The following NFATC3 variants were observed in gnomAD, a reference collection of about 807,000 sequenced individuals.
NFATC3 encodes the protein nuclear factor of activated T-cells, cytoplasmic 3.
NFATC3 carries 46 observed loss-of-function variants against 98.6 expected under a neutral mutation model. That is an observed-to-expected ratio of 0.47 (90% confidence interval 0.37 to 0.60). NFATC3 has a LOEUF of 0.60. NFATC3 is among the 20% of genes least tolerant of loss of function. The pLI, the probability that NFATC3 is intolerant of heterozygous loss-of-function variation, is 0.00. For missense variants in NFATC3, 1,256 were observed against 1,295.5 expected, an observed-to-expected ratio of 0.97 and a Z score of 0.47; for synonymous variants, 512 against 472.2, an observed-to-expected ratio of 1.08 and a Z score of -1.09.
intron 8 of NFATC3, chr16:68,189,518 TG>T (rs2040349395): frequency 6.4e-6 from 1 of 155,228 alleles, no homozygotes; most frequent in Non-Finnish European, 1.4e-5. Flanking sequence ...ACTGAGACTT[TG>T]ATAGGGATTA....
At chr16:68,212,971 T>C (rs80214882) in intron 9 of NFATC3, among the ~76,000 whole-genome samples, 1 of 146,796 alleles carries the variant, frequency 6.8e-6, no homozygotes, top group African/African-American at 2.5e-5. Context: ...TTTTTTTTTT[T>C]TGTATTTTTA....
chr16:68,119,191 C>G (rs1193164164), intron 1 of NFATC3, among the ~76,000 whole-genome samples: 1 of 152,104 alleles, frequency 6.6e-6, no homozygotes, highest in East Asian at 1.9e-4. Flanking sequence ...AATAATAGTT[C>G]AAGGCTTTAA....
At chr16:68,102,017 G>C (rs1433782463) in intron 1 of NFATC3, among the ~76,000 whole-genome samples, 1 of 152,036 alleles carries the variant, frequency 6.6e-6, no homozygotes, top group Non-Finnish European at 1.5e-5. Context: ...CATTTTGGTG[G>C]AGTACTTCCT....
intron 9 of NFATC3, chr16:68,214,409 G>A (rs745414706): frequency 1.2e-6 from 2 of 1,614,084 alleles, no homozygotes; most frequent in South Asian, 2.2e-5. Flanking sequence ...CTCATGTCCA[G>A]CTCCTTTCTG....
intron 9 of NFATC3, among the ~76,000 whole-genome samples, chr16:68,223,855 G>A (rs1003905542): frequency 7.6e-5 from 11 of 144,732 alleles, no homozygotes; most frequent in African/African-American, 1.6e-4. Context: ...AGATTGTGCC[G>A]CTGCACTCTA....
At chr16:68,187,164 G>A (rs919117438) in intron 8 of NFATC3, among the ~76,000 whole-genome samples, 1 of 152,210 alleles carries the variant, frequency 6.6e-6, no homozygotes, top group African/African-American at 2.4e-5. Flanking sequence ...CATGGGTGGT[G>A]GCGCCCTGTG....
rs1464610714 is a variant in NFATC3 at position 68,094,253 on chromosome 16, A to G, written c.103+8469A>G. Among the ~76,000 whole-genome samples, 3 of 152,124 alleles carry G rather than the reference A, an allele frequency of 2.0e-5. No individual in the cohort carries two copies. In the East Asian group the frequency reaches 5.8e-4, roughly 29 times the overall value. Reference sequence around the variant, plus strand: ...CCTCTCCGCCCATGTTGTCTTGATTAGGGTCTGATTTGTCATCTTGCAGGC... The same window carrying G: ...CCTCTCCGCCCATGTTGTCTTGATTGGGGTCTGATTTGTCATCTTGCAGGC... On this transcript the variant is annotated intron_variant, in intron 1 of 9. Coordinates refer to ENST00000346183, the MANE Select transcript of NFATC3 (RefSeq NM_173165.3).
At position 68,122,432 on chromosome 16, in the gene NFATC3, A is replaced by G. The variant is rs1429400350; in HGVS notation, c.549A>G (p.Glu183=). The change falls in exon 2 of 10, where the codon GAA becomes GAG. Residue 183 remains glutamate (E), a synonymous_variant. Transcript: ENST00000346183. ...GGTTCTCTGATGCATCTTCTTGTGA[A>G]TCGCTTTCACATATTTATGATGATG... is the stretch of plus-strand genomic sequence containing the variant. ...RSWFSDASSC[E]SLSHIYDDVD... is the part of the protein sequence containing the mutation. 6.2e-7 allele frequency: 1 copy of G among 1,614,112 alleles called. No homozygotes were observed. The highest frequency in any genetic ancestry group is 1.1e-5 in the South Asian group (1 of 91,076).
intron 3 of NFATC3, among the ~76,000 whole-genome samples, chr16:68,140,629 T>A (rs1343571711): frequency 6.6e-6 from 1 of 151,912 alleles, no homozygotes; most frequent in African/African-American, 2.4e-5. Context: ...CTTATAAAAT[T>A]AATACAAAAT....
In NFATC3 at chr16:68,189,053, A is replaced by G. The variant is rs117121630; in HGVS notation, c.2099-1715A>G. 6.2e-4 allele frequency among the ~76,000 whole-genome samples: 94 copies of G among 152,312 alleles called. 2 individuals are homozygous for G. In the East Asian group the frequency reaches 0.017, roughly 28 times the overall value. ...GTTGATATCTAGTTTTCTCAGCACCATTTGTTGAAAAGACTGTTCTTTCCC... is the reference window on the plus strand; with the variant it reads ...GTTGATATCTAGTTTTCTCAGCACCGTTTGTTGAAAAGACTGTTCTTTCCC... On this transcript the variant is annotated intron_variant, in intron 8 of 9. Transcript: ENST00000346183.
chr16:68,120,955 C>T (rs1185217345), intron 1 of NFATC3, among the ~76,000 whole-genome samples: 1 of 152,070 alleles, frequency 6.6e-6, no homozygotes, highest in East Asian at 1.9e-4. Context: ...TTTTTTCATT[C>T]ACCGAATTAT....
At position 68,191,767 on chromosome 16, in the gene NFATC3, T is replaced by C; in HGVS notation, c.3098T>C (p.Leu1033Ser). 5 of 1,614,170 alleles carry C rather than the reference T, an allele frequency of 3.1e-6. No individual in the cohort carries two copies. The highest frequency in any genetic ancestry group is 2.5e-6 in the Non-Finnish European group (3 of 1,180,020). The stretch of plus-strand genomic sequence containing the variant: ...ACCATTGGTCTGCAGGACATCACTT[T>C]AGATGATGGTAAGTTCATCTCTGAT... ...FATIGLQDIT[L>S]DDVNEIIGRD... Residue 1033 changes from leucine (L) to serine (S), a missense_variant, in exon 9 of 10, where the codon TTA (leucine) becomes TCA (serine). By Grantham distance (145) the Leu-to-Ser change is moderately radical. This residue lies in a region of NFATC3 where 636 missense variants were observed against 617.3 expected (regional missense o/e 1.03). Coordinates refer to ENST00000346183, the MANE Select transcript of NFATC3 (RefSeq NM_173165.3).
intron 9 of NFATC3, among the ~76,000 whole-genome samples, chr16:68,196,757 C>T (rs987045534): frequency 1.3e-4 from 20 of 152,012 alleles, no homozygotes; most frequent in African/African-American, 4.6e-4. Context: ...AATGGCTGGG[C>T]GCAGTGGCTC....
At chr16:68,152,283 A>G (rs7199699) in intron 3 of NFATC3, among the ~76,000 whole-genome samples, 25,545 of 149,168 alleles carry the variant, frequency 0.17, 2,599 homozygotes, top group African/African-American at 0.28. Context: ...GGAGGCTGAG[A>G]CAGGAGAATC....
intron 1 of NFATC3, among the ~76,000 whole-genome samples, chr16:68,104,653 GT>G (rs778016298): frequency 1.6e-3 from 204 of 126,636 alleles, no homozygotes; most frequent in East Asian, 2.3e-3. Context: ...TTCACAAATG[GT>G]TTTTTTTTTT....
intron 8 of NFATC3, among the ~76,000 whole-genome samples, chr16:68,188,356 C>T (rs1223104140): frequency 4.6e-5 from 7 of 152,198 alleles, no homozygotes; most frequent in East Asian, 1.9e-4. Context: ...CCGCCAAGAG[C>T]GCAGGGATGC....
At chr16:68,183,115 C>A in intron 7 of NFATC3, 125 bp from the exon 8 acceptor site, 3 of 904,554 alleles carry the variant, frequency 3.3e-6, no homozygotes, top group Non-Finnish European at 4.9e-6. Flanking sequence ...ATGTATATGA[C>A]TAGCTGATGT....
chr16:68,188,472 C>T (rs1178228127), intron 8 of NFATC3, among the ~76,000 whole-genome samples: 2 of 152,214 alleles, frequency 1.3e-5, no homozygotes, highest in African/African-American at 4.8e-5. Context: ...TTCCCAGCTC[C>T]CACCAGCTCT....
chr16:68,144,752 G>C (rs2151548177), intron 3 of NFATC3, among the ~76,000 whole-genome samples: 1 of 152,160 alleles, frequency 6.6e-6, no homozygotes, highest in Non-Finnish European at 1.5e-5. Flanking sequence ...CCGCCTCCCA[G>C]GTTCAAGAGA....
Sources: gnomAD v4.1 joint callset for allele counts (sites outside exome capture counted in the v4.1 genomes callset) on GRCh38, gnomAD v4.1.1 for gene constraint, gnomAD v4.1.1 regional missense constraint, MANE v1.5 for transcripts, NCBI Gene and HGNC (gene_info 2026-07-23, HGNC 2026-07-21) for gene names.